Variants in FBXO17 observed in about 807,000 individuals in gnomAD.
The protein encoded by FBXO17 is F-box only protein 17.
In FBXO17, 43 loss-of-function variants were observed where a neutral mutation model predicts 34.1. The ratio of observed to expected loss-of-function variants is 1.26; its 90% CI spans 0.99 to 1.62. The LOEUF is 1.62. Ranked by LOEUF, FBXO17 falls within the 40% of genes most tolerant of loss-of-function variation. The pLI is 0.00. For synonymous variants in FBXO17, 169 were observed against 166.0 expected (o/e 1.02, Z -0.14); for missense variants, 424 against 386.7 (o/e 1.10, Z -0.81).
At chr19:38,944,850 T>G in intron 5 of FBXO17, 119 bp downstream of exon 5, 2 of 1,430,608 alleles carry the variant, frequency 1.4e-6, no homozygotes, top group Non-Finnish European at 1.9e-6. Flanking sequence ...GGCTCGATAC[T>G]TCTTAGCTGT....
At chr19:38,973,542 A>T (rs1975417769) in intron 1 of FBXO17, among the ~76,000 whole-genome samples, 1 of 148,090 alleles carries the variant, frequency 6.8e-6, no homozygotes, top group Non-Finnish European at 1.5e-5. Context: ...TTCGTTTTCC[A>T]TTCTTCTAAA....
chr19:38,951,884 G>A (rs913881023), intron 1 of FBXO17, among the ~76,000 whole-genome samples: 5 of 152,108 alleles, frequency 3.3e-5, no homozygotes, highest in African/African-American at 1.2e-4. Context: ...CCAGACCTCA[G>A]GTGATCCACC....
At chr19:38,943,830 T>C (rs556538625) in intron 5 of FBXO17, among the ~76,000 whole-genome samples, 72 of 152,296 alleles carry the variant, frequency 4.7e-4, no homozygotes, top group Non-Finnish European at 9.1e-4. Flanking sequence ...CCTCAAGTGA[T>C]CTGTCCGCCT....
At position 38,950,251 on chromosome 19, in the gene FBXO17, CG is replaced by C. The variant is rs1183333046; in HGVS notation, c.68del (p.Pro23ArgfsTer8). 5 of 1,513,178 alleles carry C rather than the reference CG, an allele frequency of 3.3e-6. No individual in the cohort carries two copies. The highest frequency in any genetic ancestry group is 2.6e-5 in the East Asian group (1 of 38,252). 93.7% of individuals were successfully genotyped at this position (1,513,178 alleles called of 1,614,324 possible). A position where few individuals can be genotyped will look rare whatever the true frequency, so the allele number is the denominator to read the frequency against. ...GGCTCAGCACCTGCACCAGCAGCTC[CG>C]GGGGCAGCGCGTCCAGGGCCAGGGA... is the stretch of plus-strand genomic sequence containing the variant. ...DPSLALDALP[P>X]ELLVQVLSHV... On this transcript the variant is annotated frameshift_variant, in exon 2 of 6. Coordinates refer to ENST00000292852, the MANE Select transcript of FBXO17 (RefSeq NM_024907.7). LOFTEE classifies it high-confidence loss of function.
intron 1 of FBXO17, among the ~76,000 whole-genome samples, chr19:38,966,094 C>T (rs971219333): frequency 5.3e-4 from 81 of 151,954 alleles, no homozygotes; most frequent in Non-Finnish European, 9.3e-4. Flanking sequence ...CTCAGCCTTC[C>T]GAGTAGCTGG....
intron 1 of FBXO17, among the ~76,000 whole-genome samples, chr19:38,966,100 G>A (rs927215659): frequency 2.6e-4 from 39 of 151,812 alleles, no homozygotes; most frequent in Non-Finnish European, 4.6e-4. Context: ...CTTCCGAGTA[G>A]CTGGGACTAC....
Position 38,975,411 on chromosome 19 carries a change from C to T in FBXO17, c.-18+175G>A, listed in dbSNP as rs1284465853. ...TGTATAACTTTGGGTTTAAAGGAGCCTCAGGCCGAGGGAGGGCCCGGGAAA... is the reference window on the plus strand; with the variant it reads ...TGTATAACTTTGGGTTTAAAGGAGCTTCAGGCCGAGGGAGGGCCCGGGAAA... On this transcript the variant is annotated intron_variant, in intron 1 of 5. Coordinates refer to ENST00000292852, the MANE Select transcript of FBXO17 (RefSeq NM_024907.7). The surrounding 1 kb of genome is among the most constrained non-coding windows in gnomAD (Gnocchi z 4.9). 6.6e-6 allele frequency among the ~76,000 whole-genome samples: 1 copy of T among 152,218 alleles called. No homozygotes were observed. The highest frequency in any genetic ancestry group is 2.4e-5 in the African/African-American group (1 of 41,460).
chr19:38,965,068 A>C (rs1975302049), intron 1 of FBXO17, among the ~76,000 whole-genome samples: 1 of 152,148 alleles, frequency 6.6e-6, no homozygotes, highest in South Asian at 2.1e-4. Context: ...TCTTGTTTGA[A>C]AAAGTGGCGG....
intron 1 of FBXO17, among the ~76,000 whole-genome samples, chr19:38,966,321 G>GTGTGTGT (rs1568445631): frequency 2.0e-5 from 3 of 149,582 alleles, no homozygotes; most frequent in South Asian, 2.1e-4. Flanking sequence ...GTGTGTGTGT[G>GTGTGTGT]GAGATGGGGT....
At chr19:38,948,760 T>C in intron 2 of FBXO17, 82 bp from the exon 3 acceptor site, 1 of 1,131,194 alleles carries the variant, frequency 8.8e-7, no homozygotes, top group Non-Finnish European at 1.3e-6. Context: ...GCTTGTGCTG[T>C]CCACCAGCCT....
intron 3 of FBXO17, among the ~76,000 whole-genome samples, chr19:38,948,009 CTT>C (rs766305274): frequency 2.3e-4 from 31 of 137,748 alleles, no homozygotes; most frequent in African/African-American, 3.2e-4. Flanking sequence ...GCCATGTTCC[CTT>C]TTTTTTTTTT....
At position 38,946,884 on chromosome 19, in the gene FBXO17, T is replaced by C. The variant is rs144227875; in HGVS notation, c.462-317A>G. On this transcript the variant is annotated intron_variant, in intron 3 of 5. Coordinates refer to ENST00000292852, the MANE Select transcript of FBXO17 (RefSeq NM_024907.7). ...CATGTGAGCGGGGAGCTCTGTGGCC[T>C]CCTAAAGTGTGAGGGCCCCGGGTCT... is the stretch of plus-strand genomic sequence containing the variant. 4 of 329,722 alleles carry C rather than the reference T, an allele frequency of 1.2e-5. No individual in the cohort carries two copies. The East Asian group carries it at 2.5e-4, about 21-fold the overall frequency. The allele number at this position is 329,722 out of a possible 1,614,324, so 20.4% of individuals were successfully genotyped here.
intron 5 of FBXO17, among the ~76,000 whole-genome samples, chr19:38,944,524 A>G (rs1000816801): frequency 6.6e-6 from 1 of 152,122 alleles, no homozygotes; most frequent in African/African-American, 2.4e-5. Flanking sequence ...GATTACAGGT[A>G]TGAGCCACTG....
chr19:38,952,953 C>T (rs1399619669), intron 1 of FBXO17, among the ~76,000 whole-genome samples: 1 of 152,152 alleles, frequency 6.6e-6, no homozygotes, highest in Non-Finnish European at 1.5e-5. Context: ...CTCCCCCTCA[C>T]CCTCCCATGC....
In FBXO17 at chr19:38,942,559, T is replaced by C. The variant is rs377179130; in HGVS notation, c.*49A>G. 2.0e-6 allele frequency: 3 copies of C among 1,485,720 alleles called. No individual in the cohort carries two copies. In the African/African-American group the frequency reaches 4.4e-5, roughly 22 times the overall value. 92.0% of individuals were successfully genotyped at this position (1,485,720 alleles called of 1,614,324 possible). A position where few individuals can be genotyped will look rare whatever the true frequency, so the allele number is the denominator to read the frequency against. On this transcript the variant is annotated 3_prime_UTR_variant, in exon 6 of 6. Transcript: ENST00000292852. Reference sequence around the variant, plus strand: ...TTCCACAGGTGTGAGCCACTGCACCTGGCTGCAAGGCTGGTCTTGACTGAC... The same window carrying C: ...TTCCACAGGTGTGAGCCACTGCACCCGGCTGCAAGGCTGGTCTTGACTGAC...
In FBXO17 at chr19:38,949,813, C is replaced by CG. The variant is rs1169679424; in HGVS notation, c.349+157dup. 3.6e-5 allele frequency: 34 copies of CG among 932,812 alleles called. 1 individual carries two copies. The highest frequency in any genetic ancestry group is 3.3e-4 in the South Asian group (18 of 55,244). 57.8% of individuals were successfully genotyped at this position (932,812 alleles called of 1,614,324 possible). On this transcript the variant is annotated intron_variant, in intron 2 of 5. Transcript: ENST00000292852. ...CTTCACCTTCTCCAGCCCCGCCCAC[C>CG]GGGCCTACCGCCCAGGCACTGCGTC...
intron 3 of FBXO17, among the ~76,000 whole-genome samples, chr19:38,947,808 C>G (rs944283796): frequency 6.6e-6 from 1 of 151,882 alleles, no homozygotes; most frequent in East Asian, 1.9e-4. Flanking sequence ...AAGAGATCCT[C>G]CCACTTCGGC....
rs1335662417 is a variant in FBXO17, at chr19:38,942,243, C to T, written c.*365G>A. 6.6e-6 allele frequency: 1 copy of T among 151,844 alleles called. No individual in the cohort carries two copies. The allele number at this position is 151,844 out of a possible 1,614,324, so 9.4% of individuals were successfully genotyped here. ...ACTGTCCCTGGGTATCCTCTGGCTT[C>T]TGGCTGCAAAGCTGGTCTTTTTTTT... On this transcript the variant is annotated 3_prime_UTR_variant, in exon 6 of 6. Transcript: ENST00000292852.
chr19:38,962,199 A>T (rs1039643438), intron 1 of FBXO17, among the ~76,000 whole-genome samples: 4 of 151,652 alleles, frequency 2.6e-5, no homozygotes, highest in African/African-American at 4.8e-5. Flanking sequence ...TCAAAAAAAA[A>T]AAATAAAAAA....
Sources: allele counts gnomAD v4.1 joint callset (sites outside exome capture counted in the v4.1 genomes callset), GRCh38; gene constraint gnomAD v4.1.1; non-coding constraint Gnocchi (gnomAD v3.1); transcripts MANE v1.5; gene names NCBI Gene and HGNC (gene_info 2026-07-23, HGNC 2026-07-21).